The following COL5A3 variants were observed in gnomAD, a reference collection of about 807,000 sequenced individuals.
The protein encoded by COL5A3 is collagen type V alpha 3 chain, also known as collagen alpha-3(V) chain.
In COL5A3, 172 loss-of-function variants were observed where a neutral mutation model predicts 250.0. The observed-to-expected ratio is 0.69, with a 90% CI of 0.61 to 0.78. COL5A3 has a LOEUF of 0.78. COL5A3 is among the 30% of genes least tolerant of loss of function. The pLI is 0.00. For missense variants in COL5A3, 2,340 were observed against 2,334.4 expected (o/e 1.00, Z -0.05); for synonymous variants, 937 against 900.4 (o/e 1.04, Z -0.73).
At chr19:9,972,256 T>C (rs1160905271) in intron 51 of COL5A3, among the ~76,000 whole-genome samples, 1 of 152,276 alleles carries the variant, frequency 6.6e-6, no homozygotes, top group Non-Finnish European at 1.5e-5. Flanking sequence ...TATTCATTTT[T>C]CCATTAATTC....
At chr19:9,994,745 T>A (rs1031286834) in intron 16 of COL5A3, among the ~76,000 whole-genome samples, 1 of 151,072 alleles carries the variant, frequency 6.6e-6, no homozygotes, top group African/African-American at 2.4e-5. Context: ...CTATGCGGTA[T>A]AACCTAGTGC....
At chr19:9,997,642 C>A (rs1431560722) in intron 10 of COL5A3, among the ~76,000 whole-genome samples, 2 of 152,082 alleles carry the variant, frequency 1.3e-5, no homozygotes, top group African/African-American at 4.8e-5. Flanking sequence ...CACTCTGTCA[C>A]CCATGCTGGA....
rs1224142060 is a variant in COL5A3, at chr19:9,993,565, G to A, written c.1695+54C>T. ...TGATACTGAGGGAGAAGTTGGGGGG[G>A]CTTGAATATTGGGAGGAGGGCTTAG... is the stretch of plus-strand genomic sequence containing the variant. On this transcript the variant is annotated intron_variant, in intron 18 of 66. Coordinates refer to ENST00000264828, the MANE Select transcript of COL5A3 (RefSeq NM_015719.4). 3.1e-6 allele frequency: 5 copies of A among 1,595,450 alleles called. No homozygotes were observed. In the East Asian group the frequency reaches 8.9e-5, roughly 28 times the overall value.
chr19:9,977,942 C>CTATATA (rs751164946), intron 41 of COL5A3, among the ~76,000 whole-genome samples: 3 of 89,684 alleles, frequency 3.3e-5, no homozygotes, highest in Non-Finnish European at 7.0e-5. Flanking sequence ...TCCTGGCAGC[C>CTATATA]TATACATATA....
Position 9,979,129 on chromosome 19 carries a change from C to T in COL5A3, c.2874+3G>A. ...CCAAGATCTCCAGTGGACAGTGTCT[C>T]ACCTTGGCCCCCTCTCTGCCTTCCA... On this transcript the variant is annotated splice_donor_region_variant and intron_variant, in intron 39 of 66. Transcript: ENST00000264828. 6.4e-7 allele frequency: 1 copy of T among 1,574,256 alleles called. No individual in the cohort carries two copies. Among genetic ancestry groups the T allele is most frequent in the Non-Finnish European group, 8.6e-7 (1 of 1,164,852 alleles).
intron 57 of COL5A3, among the ~76,000 whole-genome samples, chr19:9,969,090 G>A (rs567236197): frequency 6.6e-6 from 1 of 152,256 alleles, no homozygotes; most frequent in South Asian, 2.1e-4. Context: ...GACCATCAAG[G>A]TGGAAGGTCA....
At chr19:9,978,707 G>T in intron 40 of COL5A3, 80 bp from the exon 41 acceptor site, 1 of 1,030,366 alleles carries the variant, frequency 9.7e-7, no homozygotes, top group Non-Finnish European at 1.4e-6. Flanking sequence ...GGAGCTCACA[G>T]TCCCCACCTC....
Position 9,960,559 on chromosome 19 carries a change from T to G in COL5A3, c.5092-2A>C. 1 of 1,614,202 alleles carries G rather than the reference T, an allele frequency of 6.2e-7. No homozygotes were observed. The highest frequency in any genetic ancestry group is 8.5e-7 in the Non-Finnish European group (1 of 1,180,042). Reference sequence around the variant, plus strand: ...GGTCTTCGTCTGTCCTTTCCGGAGCTGTCCCCAGAGAAGACAGAGACGGTG... The same window carrying G: ...GGTCTTCGTCTGTCCTTTCCGGAGCGGTCCCCAGAGAAGACAGAGACGGTG... On this transcript the variant is annotated splice_acceptor_variant, in intron 66 of 66. Transcript: ENST00000264828. LOFTEE classifies it high-confidence loss of function.
intron 27 of COL5A3, 136 bp downstream of exon 27, chr19:9,988,988 C>CAAACCCCAG (rs2087147791): frequency 1.1e-6 from 1 of 876,474 alleles, no homozygotes; most frequent in African/African-American, 1.6e-5. Flanking sequence ...TGTGCAGCTC[C>CAAACCCCAG]AAACCCCAGT....
intron 51 of COL5A3, among the ~76,000 whole-genome samples, chr19:9,971,484 C>T (rs539115384): frequency 6.6e-6 from 1 of 152,310 alleles, no homozygotes; most frequent in Admixed American, 6.5e-5. Context: ...CTCACAGCCT[C>T]TCAGCTCGGG....
intron 65 of COL5A3, 74 bp from the exon 66 acceptor site, chr19:9,960,964 C>T (rs1368217250): frequency 3.2e-6 from 5 of 1,553,454 alleles, no homozygotes; most frequent in Non-Finnish European, 4.3e-6. Flanking sequence ...CCCCTGGAAT[C>T]TCCATCCACT....
intron 50 of COL5A3, 144 bp downstream of exon 50, chr19:9,973,426 C>T: frequency 1.2e-6 from 1 of 809,372 alleles, no homozygotes; most frequent in Admixed American, 2.4e-5. Flanking sequence ...TTCCAGGTGT[C>T]CTTCCTCAAG....
At position 10,005,930 on chromosome 19, in the gene COL5A3, G is replaced by T; in HGVS notation, c.303C>A (p.Ala101=). The T allele has an allele frequency of 6.2e-7, 1 of 1,614,104 alleles. No homozygotes were observed. The change falls in exon 3 of 67, where the codon GCC becomes GCA. Residue 101 remains alanine, a synonymous_variant. Coordinates refer to ENST00000264828, the MANE Select transcript of COL5A3 (RefSeq NM_015719.4). ...SLLITLRGQP[A]NQSVLLSIYD... ...AAATGGACAGCAGGACAGACTGATT[G>T]GCTGGCTGTCCCCGCAAGGTGATCA...
chr19:9,985,724 T>G, intron 31 of COL5A3, 118 bp downstream of exon 31: 1 of 893,520 alleles, frequency 1.1e-6, no homozygotes, highest in South Asian at 1.6e-5. Flanking sequence ...CATTTTACAT[T>G]CTCTCAGTGA....
In COL5A3 at chr19:9,960,489, C is replaced by G; in HGVS notation, c.5160G>C (p.Trp1720Cys). 2 of 1,614,188 alleles carry G rather than the reference C, an allele frequency of 1.2e-6. No homozygotes were observed. Among genetic ancestry groups the G allele is most frequent in the East Asian group, 4.5e-5 (2 of 44,880 alleles). Residue 1720 changes from tryptophan (W) to cysteine (C), a missense_variant, in exon 67 of 67, where the codon TGG (tryptophan) becomes TGC (cysteine). Physicochemically the swap from Trp to Cys is radical, Grantham distance 215. Transcript: ENST00000264828. ...SSSRAGFLPL[W>C]DVAATDFGQT... ...GGCCAAAGTCAGTGGCCGCCACATC[C>G]CACAGGGGCAGAAATCCCGCTCGAG...
At chr19:9,989,038 C>T in intron 27 of COL5A3, 86 bp downstream of exon 27, 1 of 1,405,414 alleles carries the variant, frequency 7.1e-7, no homozygotes, top group Non-Finnish European at 1.0e-6. Context: ...CCCCTCTCCA[C>T]ACATCCAGAA....
chr19:9,980,962 G>T, intron 33 of COL5A3, 103 bp from the exon 34 acceptor site: 1 of 1,493,834 alleles, frequency 6.7e-7, no homozygotes, highest in Non-Finnish European at 9.2e-7. Flanking sequence ...TCCCTCTCCT[G>T]CCCGACCAGG....
At chr19:9,994,608 G>A (rs1478553548) in intron 16 of COL5A3, among the ~76,000 whole-genome samples, 16 of 58,832 alleles carry the variant, frequency 2.7e-4, no homozygotes, top group Admixed American at 6.3e-4. Context: ...ATATATATAT[G>A]GTCACATGTC....
At chr19:10,001,439 G>A (rs977839172) in intron 8 of COL5A3, 85 bp downstream of exon 8, 9 of 1,388,808 alleles carry the variant, frequency 6.5e-6, no homozygotes, top group Non-Finnish European at 8.7e-6. Context: ...GAGCCACTGC[G>A]CCCTGCCTAA....
Sources: allele counts gnomAD v4.1 joint callset (sites outside exome capture counted in the v4.1 genomes callset), GRCh38; gene constraint gnomAD v4.1.1; transcripts MANE v1.5; gene names NCBI Gene and HGNC (gene_info 2026-07-23, HGNC 2026-07-21).